Variants in IL15 observed in about 807,000 individuals in gnomAD.
IL15 encodes the protein interleukin-15.
IL15 carries 11 observed loss-of-function variants against 19.6 expected under a neutral mutation model. That is an observed-to-expected ratio of 0.56 (90% CI 0.35 to 0.93). IL15 has a LOEUF of 0.93. Among genes scored for constraint, IL15 ranks in the 40% least tolerant of loss-of-function variants. The pLI, the probability that IL15 is intolerant of heterozygous loss-of-function variation, is 0.01. For missense variants in IL15, 197 were observed against 186.5 expected (o/e 1.06, Z -0.33); for synonymous variants, 58 against 59.6 (o/e 0.97, Z 0.12).
intron 2 of IL15, among the ~76,000 whole-genome samples, chr4:141,669,917 G>T (rs566929388): frequency 6.6e-6 from 1 of 151,778 alleles, no homozygotes; most frequent in Admixed American, 6.6e-5. Flanking sequence ...AATGTTCACC[G>T]TGTGGATAAT....
intron 1 of IL15, among the ~76,000 whole-genome samples, chr4:141,645,059 T>A (rs554022325): frequency 1.4e-4 from 22 of 152,164 alleles, no homozygotes; most frequent in Non-Finnish European, 2.1e-4. Flanking sequence ...TGTTAGAGGG[T>A]TAATAATTTA....
At chr4:141,696,624 G>T (rs978722297) in intron 2 of IL15, among the ~76,000 whole-genome samples, 1 of 151,980 alleles carries the variant, frequency 6.6e-6, no homozygotes, top group African/African-American at 2.4e-5. Flanking sequence ...ATAGGTCTTA[G>T]TGTATGGAAT....
At chr4:141,715,774 T>C (rs965883996) in intron 2 of IL15, 1 of 152,228 alleles carries the variant, frequency 6.6e-6, no homozygotes, top group Non-Finnish European at 1.5e-5. Context: ...GTAAATCTTT[T>C]ATTCTTGTAT....
intron 2 of IL15, chr4:141,716,288 G>T (rs959749681): frequency 2.6e-5 from 4 of 152,284 alleles, no homozygotes; most frequent in African/African-American, 9.7e-5. Context: ...TGGCAGAATG[G>T]TTTCGGGTGC....
chr4:141,707,944 A>T (rs1729579520), intron 2 of IL15, among the ~76,000 whole-genome samples: 1 of 152,198 alleles, frequency 6.6e-6, no homozygotes, highest in Non-Finnish European at 1.5e-5. Context: ...TGAGCACAGC[A>T]ATGCCAAGCA....
chr4:141,714,965 T>G (rs1014795429), intron 2 of IL15: 20 of 152,132 alleles, frequency 1.3e-4, no homozygotes, highest in African/African-American at 4.8e-4. Flanking sequence ...CTTGTGCATA[T>G]CTAATGAGCC....
chr4:141,720,657 G>T, intron 4 of IL15, 91 bp downstream of exon 4: 1 of 798,142 alleles, frequency 1.3e-6, no homozygotes, highest in Non-Finnish European at 2.2e-6. Context: ...TTTACGTTCA[G>T]TTTGCTTATA....
intron 1 of IL15, among the ~76,000 whole-genome samples, chr4:141,649,633 A>G (rs1727339764): frequency 6.6e-6 from 1 of 152,126 alleles, no homozygotes; most frequent in African/African-American, 2.4e-5. Flanking sequence ...TTGCCAGACC[A>G]AAGATTTTTA....
intron 5 of IL15, among the ~76,000 whole-genome samples, chr4:141,723,030 G>A (rs1429436921): frequency 6.6e-6 from 1 of 152,018 alleles, no homozygotes; most frequent in Non-Finnish European, 1.5e-5. Context: ...CATTCCTATG[G>A]TTAGTATCAC....
At chr4:141,690,091 G>T (rs947272468) in intron 2 of IL15, among the ~76,000 whole-genome samples, 4 of 152,154 alleles carry the variant, frequency 2.6e-5, no homozygotes, top group South Asian at 4.1e-4. Flanking sequence ...CTCTGCAGCC[G>T]CTGGCCCCGG....
At chr4:141,648,400 G>C (rs905463207) in intron 1 of IL15, among the ~76,000 whole-genome samples, 2 of 151,952 alleles carry the variant, frequency 1.3e-5, no homozygotes, top group African/African-American at 4.8e-5. Flanking sequence ...ATTAAAACAA[G>C]GCACATCTTA....
At chr4:141,684,763 A>T (rs1728655037) in intron 2 of IL15, among the ~76,000 whole-genome samples, 1 of 152,102 alleles carries the variant, frequency 6.6e-6, no homozygotes, top group Non-Finnish European at 1.5e-5. Flanking sequence ...AGTATTATTT[A>T]TTATTTATTT....
intron 4 of IL15, 128 bp downstream of exon 4, chr4:141,720,694 T>C: frequency 1.5e-6 from 1 of 686,422 alleles, no homozygotes; most frequent in Non-Finnish European, 2.6e-6. Context: ...ATCTGGGGGA[T>C]AGAAGGCAGA....
At chr4:141,732,191 A>G (rs1730473084) in intron 7 of IL15, among the ~76,000 whole-genome samples, 2 of 152,226 alleles carry the variant, frequency 1.3e-5, no homozygotes, top group East Asian at 3.8e-4. Context: ...CCAGGGGTTC[A>G]GAGAAGCCTC....
At chr4:141,662,654 T>C (rs1266533862) in intron 2 of IL15, among the ~76,000 whole-genome samples, 1 of 152,226 alleles carries the variant, frequency 6.6e-6, no homozygotes, top group African/African-American at 2.4e-5. Flanking sequence ...ACGGAGTATT[T>C]AGTTCATTTT....
intron 2 of IL15, among the ~76,000 whole-genome samples, chr4:141,663,729 A>G (rs918074702): frequency 6.6e-6 from 1 of 152,164 alleles, no homozygotes; most frequent in Non-Finnish European, 1.5e-5. Flanking sequence ...AGGTCGGGGA[A>G]GTTGAGAGTA....
In IL15 at chr4:141,723,589, T is replaced by C. The variant is rs113272247; in HGVS notation, c.195+1581T>C. ...AGAACTGTAAATGAATAGATTTCTG[T>C]TGTTTTAAACCACCCACCTTGTGGT... On this transcript the variant is annotated intron_variant, in intron 5 of 7. Transcript: ENST00000320650. Among the ~76,000 whole-genome samples the C allele has an allele frequency of 1.6e-4, 25 of 152,312 alleles. 1 individual carries two copies. Among genetic ancestry groups the C allele is most frequent in the African/African-American group, 6.0e-4 (25 of 41,558 alleles).
intron 2 of IL15, among the ~76,000 whole-genome samples, chr4:141,711,327 C>T (rs763163966): frequency 5.9e-5 from 9 of 151,838 alleles, no homozygotes; most frequent in African/African-American, 1.9e-4. Flanking sequence ...TTGAAATTGG[C>T]GAGATGAATG....
At chr4:141,699,950 C>T (rs971829562) in intron 2 of IL15, among the ~76,000 whole-genome samples, 6 of 151,944 alleles carry the variant, frequency 3.9e-5, no homozygotes, top group Non-Finnish European at 5.9e-5. Context: ...TGGAGTTACC[C>T]TCTTGTCGCA....
Sources: gnomAD v4.1 joint callset for allele counts (sites outside exome capture counted in the v4.1 genomes callset) on GRCh38, gnomAD v4.1.1 for gene constraint, MANE v1.5 for transcripts, NCBI Gene and HGNC (gene_info 2026-07-23, HGNC 2026-07-21) for gene names.